Variants in ADGRV1 observed in about 807,000 individuals in gnomAD.
ADGRV1 encodes G-protein coupled receptor 98.
Under a neutral mutation model 596.2 loss-of-function variants are expected in ADGRV1, and 359 were observed. The ratio of observed to expected loss-of-function variants is 0.60; its 90% CI spans 0.55 to 0.66. The LOEUF is 0.66. Among genes scored for constraint, ADGRV1 ranks in the 30% least tolerant of loss-of-function variants. The pLI, the probability that ADGRV1 is intolerant of heterozygous loss-of-function variation, is 0.00. For synonymous variants in ADGRV1, 2,681 were observed against 2,679.2 expected, an observed-to-expected ratio of 1.00 and a Z score of -0.02; for missense variants, 7,274 against 7,575.6, an observed-to-expected ratio of 0.96 and a Z score of 1.48.
At chr5:90,926,254 T>G (rs1259497372) in intron 83 of ADGRV1, among the ~76,000 whole-genome samples, 1 of 152,124 alleles carries the variant, frequency 6.6e-6, no homozygotes, top group African/African-American at 2.4e-5. Flanking sequence ...TGTGAATCCA[T>G]CTGGTCCTGG....
At chr5:90,924,445 G>C (rs1243475453) in intron 83 of ADGRV1, among the ~76,000 whole-genome samples, 1 of 150,862 alleles carries the variant, frequency 6.6e-6, no homozygotes, top group Middle Eastern at 3.2e-3. Flanking sequence ...AGAAGTGTCT[G>C]TTCATGTCCT....
intron 59 of ADGRV1, among the ~76,000 whole-genome samples, chr5:90,766,857 C>G (rs1757202689): frequency 6.6e-6 from 1 of 152,118 alleles, no homozygotes; most frequent in Non-Finnish European, 1.5e-5. Context: ...TTCTGGTTGC[C>G]TGTGTGCACT....
rs1764261485 is a variant in ADGRV1, at chr5:90,622,810, A to G, written c.558+109A>G. On this transcript the variant is annotated intron_variant, in intron 5 of 89. Coordinates refer to ENST00000405460, the MANE Select transcript of ADGRV1 (RefSeq NM_032119.4). ...AGCTGGAGTGCAGTGGTGCGATCTCAGCTCAATGCAACCTCTGCCTCCCAG... is the reference window on the plus strand; with the variant it reads ...AGCTGGAGTGCAGTGGTGCGATCTCGGCTCAATGCAACCTCTGCCTCCCAG... 1.4e-5 allele frequency: 5 copies of G among 361,512 alleles called. No individual in the cohort carries two copies. In the East Asian group the frequency reaches 2.0e-4, roughly 14 times the overall value. 22.4% of individuals were successfully genotyped at this position (361,512 alleles called of 1,614,324 possible). A position where few individuals can be genotyped will look rare whatever the true frequency, so the allele number is the denominator to read the frequency against.
At chr5:90,601,691 G>A (rs554521512) in intron 1 of ADGRV1, among the ~76,000 whole-genome samples, 17 of 152,190 alleles carry the variant, frequency 1.1e-4, no homozygotes, top group Non-Finnish European at 2.2e-4. Flanking sequence ...TGCCCTGCTG[G>A]TAAGTATCAG....
rs1378757458 is a variant in ADGRV1, at chr5:90,635,103, G to T, written c.1840-11G>T. The T allele has an allele frequency of 1.3e-6, 2 of 1,535,458 alleles. No homozygotes were observed. The highest frequency in any genetic ancestry group is 1.8e-5 in the Admixed American group (1 of 57,008). ...AATTCTTACTACTTTTTGTGTATTT[G>T]TTTATTATAGTTGGAAACTGTGGAG... On this transcript the variant is annotated splice_polypyrimidine_tract_variant and intron_variant, in intron 9 of 89. Coordinates refer to ENST00000405460, the MANE Select transcript of ADGRV1 (RefSeq NM_032119.4).
intron 1 of ADGRV1, among the ~76,000 whole-genome samples, chr5:90,568,921 A>G (rs12332360): frequency 0.067 from 10,190 of 152,112 alleles, 1,023 homozygotes; most frequent in African/African-American, 0.23. Flanking sequence ...TCCAATATTA[A>G]TGTCTTAGTC....
intron 1 of ADGRV1, among the ~76,000 whole-genome samples, chr5:90,606,893 T>G (rs1377181266): frequency 6.6e-6 from 1 of 152,218 alleles, no homozygotes; most frequent in East Asian, 1.9e-4. Flanking sequence ...GTTTATTCCC[T>G]TGTTTAGATG....
At chr5:91,074,207 A>G (rs1343798845) in intron 86 of ADGRV1, among the ~76,000 whole-genome samples, 1 of 152,052 alleles carries the variant, frequency 6.6e-6, no homozygotes, top group Non-Finnish European at 1.5e-5. Context: ...GTATATGTGC[A>G]TGTTTATTAT....
At chr5:90,675,864 C>T (rs1265426909) in intron 24 of ADGRV1, among the ~76,000 whole-genome samples, 1 of 151,792 alleles carries the variant, frequency 6.6e-6, no homozygotes, top group Non-Finnish European at 1.5e-5. Context: ...TCTACTTTAT[C>T]TAATTAATTG....
intron 24 of ADGRV1, among the ~76,000 whole-genome samples, chr5:90,675,715 G>A (rs1056390948): frequency 3.9e-5 from 6 of 151,922 alleles, no homozygotes; most frequent in African/African-American, 1.5e-4. Context: ...TTGAGCCTAC[G>A]AGTTCAAGGC....
At chr5:90,876,978 G>T (rs879317912) in intron 83 of ADGRV1, among the ~76,000 whole-genome samples, 9 of 152,170 alleles carry the variant, frequency 5.9e-5, no homozygotes, top group Admixed American at 1.3e-4. Context: ...TAATAAAGAA[G>T]TAAATAGATG....
chr5:91,052,327 A>G (rs1786414518), intron 85 of ADGRV1, among the ~76,000 whole-genome samples: 1 of 151,886 alleles, frequency 6.6e-6, no homozygotes, highest in Non-Finnish European at 1.5e-5. Flanking sequence ...TTTAGAATCT[A>G]ACTTTCCAAA....
chr5:91,096,717 A>G (rs763851902), intron 86 of ADGRV1, among the ~76,000 whole-genome samples: 2 of 152,184 alleles, frequency 1.3e-5, no homozygotes, highest in Non-Finnish European at 2.9e-5. Context: ...AGTAAAATAT[A>G]CATAACAAAA....
Position 91,149,896 on chromosome 5 carries a change from G to A in ADGRV1, c.18433-134G>A, listed in dbSNP as rs1215255841. 7.0e-5 allele frequency: 39 copies of A among 560,290 alleles called. No homozygotes were observed. The East Asian group carries it at 9.4e-4, about 13-fold the overall frequency. The allele number at this position is 560,290 out of a possible 1,614,324, so 34.7% of individuals were successfully genotyped here. A position where few individuals can be genotyped will look rare whatever the true frequency, so the allele number is the denominator to read the frequency against. Reference sequence around the variant, plus strand: ...AGAAAAACAAATTACCCAGTCTTGGGTATTTCTTCATAGCAGCATGAGAAT... The same window carrying A: ...AGAAAAACAAATTACCCAGTCTTGGATATTTCTTCATAGCAGCATGAGAAT... On this transcript the variant is annotated intron_variant, in intron 87 of 89. Transcript: ENST00000405460.
chr5:90,594,439 TC>T (rs1374480798), intron 1 of ADGRV1, among the ~76,000 whole-genome samples: 4 of 151,958 alleles, frequency 2.6e-5, no homozygotes, highest in Non-Finnish European at 4.4e-5. Flanking sequence ...GAACCATGTG[TC>T]AATTAAACAT....
chr5:90,849,564 AT>A (rs1324123272), intron 79 of ADGRV1, among the ~76,000 whole-genome samples: 1 of 151,776 alleles, frequency 6.6e-6, no homozygotes, highest in Non-Finnish European at 1.5e-5. Flanking sequence ...TTATTTTTGT[AT>A]TTTTTGTAGA....
intron 86 of ADGRV1, among the ~76,000 whole-genome samples, chr5:91,101,648 CA>C (rs879608267): frequency 6.6e-6 from 1 of 152,168 alleles, no homozygotes; most frequent in Non-Finnish European, 1.5e-5. Context: ...TGCATTAGAA[CA>C]TGTGTAGAAT....
At chr5:90,579,939 T>C (rs1319866100) in intron 1 of ADGRV1, among the ~76,000 whole-genome samples, 1 of 151,190 alleles carries the variant, frequency 6.6e-6, no homozygotes, top group Non-Finnish European at 1.5e-5. Context: ...CAACCCCTGC[T>C]TTTTTTTTGC....
chr5:90,697,187 T>C, intron 34 of ADGRV1, 41 bp downstream of exon 34: 1 of 1,530,240 alleles, frequency 6.5e-7, no homozygotes, highest in Non-Finnish European at 9.0e-7. Flanking sequence ...TTTTCTTTTC[T>C]ATGGATGTTG....
Sources: allele counts gnomAD v4.1 joint callset (sites outside exome capture counted in the v4.1 genomes callset), GRCh38; gene constraint gnomAD v4.1.1; transcripts MANE v1.5; gene names NCBI Gene and HGNC (gene_info 2026-07-23, HGNC 2026-07-21).